DMD: variants seen among roughly 807,000 people sequenced by gnomAD.
DMD encodes the protein mutant dystrophin.
DMD carries 63 observed loss-of-function variants against 330.1 expected under a neutral mutation model. That is an observed-to-expected ratio of 0.19 (90% CI 0.16 to 0.24). DMD has a LOEUF of 0.24. DMD is among the 10% of genes least tolerant of loss of function. The pLI, the probability that DMD is intolerant of heterozygous loss-of-function variation, is 1.00. For synonymous variants in DMD, 1,223 were observed against 959.8 expected (o/e 1.27, Z -5.07); for missense variants, 3,344 against 2,684.1 (o/e 1.25, Z -5.43).
intron 13 of DMD, among the ~76,000 whole-genome samples, chrX:32,592,057 T>C (rs1265288746): frequency 1.8e-5 from 2 of 111,526 alleles, no homozygotes; most frequent in Non-Finnish European, 3.8e-5. Context: ...GGACTGAGGA[T>C]GGTTCGGTGT....
chrX:32,591,802 C>T (rs765522064), intron 13 of DMD, among the ~76,000 whole-genome samples: 5 of 113,035 alleles, frequency 4.4e-5, no homozygotes, highest in East Asian at 2.8e-4. Context: ...GGCATTCCTG[C>T]GCTCTTGGGG....
At chrX:32,677,939 C>T (rs1213915009) in intron 9 of DMD, among the ~76,000 whole-genome samples, 1 of 111,641 alleles carries the variant, frequency 9.0e-6, no homozygotes, top group African/African-American at 3.3e-5. Flanking sequence ...AGAAGGAAAA[C>T]TTGCAATATG....
intron 44 of DMD, among the ~76,000 whole-genome samples, chrX:32,123,795 G>A (rs768743881): frequency 8.9e-6 from 1 of 111,952 alleles, no homozygotes; most frequent in South Asian, 3.7e-4. Context: ...CATTTGTTGC[G>A]TTAAAAGTAT....
chrX:31,734,172 TTCTC>T (rs1375894186), intron 51 of DMD, among the ~76,000 whole-genome samples: 1 of 111,211 alleles, frequency 9.0e-6, no homozygotes, highest in African/African-American at 3.3e-5. Context: ...CATTTTATCA[TTCTC>T]TCTGTGTGTA....
intron 1 of DMD, among the ~76,000 whole-genome samples, chrX:33,312,076 T>C (rs1408434614): frequency 9.0e-6 from 1 of 110,669 alleles, no homozygotes; most frequent in Non-Finnish European, 1.9e-5. Context: ...CACAGAATGG[T>C]GTCATTTCAA....
At chrX:32,697,305 G>A (rs976054874) in intron 9 of DMD, among the ~76,000 whole-genome samples, 2 of 111,424 alleles carry the variant, frequency 1.8e-5, no homozygotes, top group African/African-American at 6.5e-5. Context: ...CCTGGTTTCA[G>A]TGTGACTTTT....
At chrX:31,668,818 G>A (rs1015716743) in intron 53 of DMD, among the ~76,000 whole-genome samples, 10 of 111,570 alleles carry the variant, frequency 9.0e-5, no homozygotes, top group Admixed American at 1.9e-4. Flanking sequence ...ACTTCAATGA[G>A]TTTGACTTTT....
intron 54 of DMD, among the ~76,000 whole-genome samples, chrX:31,655,934 AG>A (rs1312756723): frequency 3.6e-5 from 4 of 112,320 alleles, no homozygotes; most frequent in Admixed American, 2.8e-4. Flanking sequence ...GATTGGAAGA[AG>A]GCAAAGATGA....
chrX:31,135,159 GTAATA>G (rs1297696251), intron 76 of DMD, among the ~76,000 whole-genome samples: 2 of 30,725 alleles, frequency 6.5e-5, no homozygotes, highest in African/African-American at 2.7e-4. Context: ...TTTGTTCTAT[GTAATA>G]AAATAAGTAT....
intron 67 of DMD, among the ~76,000 whole-genome samples, chrX:31,200,128 C>T (rs1400220647): frequency 4.5e-5 from 5 of 112,155 alleles, no homozygotes; most frequent in Non-Finnish European, 9.4e-5. Context: ...ATGAAAGCCT[C>T]GCCATACATA....
intron 2 of DMD, among the ~76,000 whole-genome samples, chrX:32,883,453 G>C (rs2084158676): frequency 9.1e-6 from 1 of 110,477 alleles, no homozygotes; most frequent in South Asian, 3.9e-4. Context: ...CTTTAACTTT[G>C]GAATTTTCCT....
chrX:32,954,749 G>A (rs1437474813), intron 2 of DMD, among the ~76,000 whole-genome samples: 1 of 110,509 alleles, frequency 9.0e-6, no homozygotes, highest in Non-Finnish European at 1.9e-5. Flanking sequence ...GTGTCCATGT[G>A]TTTTCATCAT....
chrX:32,972,654 C>A (rs1490754486), intron 2 of DMD, among the ~76,000 whole-genome samples: 2 of 112,279 alleles, frequency 1.8e-5, no homozygotes, highest in Non-Finnish European at 3.8e-5. Flanking sequence ...GAGTTTTGAG[C>A]ATAGGCTTTG....
At chrX:32,652,648 AC>A (rs1219752385) in intron 9 of DMD, among the ~76,000 whole-genome samples, 2 of 111,042 alleles carry the variant, frequency 1.8e-5, no homozygotes, top group Non-Finnish European at 3.8e-5. Flanking sequence ...TTGGGAATAT[AC>A]CCAGTAATGG....
chrX:33,313,142 A>G (rs1195834431), intron 1 of DMD, among the ~76,000 whole-genome samples: 1 of 111,739 alleles, frequency 8.9e-6, no homozygotes, highest in Non-Finnish European at 1.9e-5. Flanking sequence ...TGCTATGAGC[A>G]TTGATTTTAG....
intron 47 of DMD, among the ~76,000 whole-genome samples, chrX:31,884,760 T>C (rs1282145686): frequency 8.9e-6 from 1 of 112,037 alleles, no homozygotes; most frequent in African/African-American, 3.2e-5. Flanking sequence ...TTGTACACCA[T>C]GACAATAATA....
intron 7 of DMD, among the ~76,000 whole-genome samples, chrX:32,757,928 C>T (rs770271462): frequency 9.0e-6 from 1 of 111,603 alleles, no homozygotes; most frequent in Non-Finnish European, 1.9e-5. Flanking sequence ...AACACCCTTT[C>T]ACTTCCTAGC....
intron 55 of DMD, among the ~76,000 whole-genome samples, chrX:31,547,066 A>T (rs1033387117): frequency 1.8e-5 from 2 of 112,614 alleles, no homozygotes; most frequent in Non-Finnish European, 3.7e-5. Context: ...TTTTTACACT[A>T]AAATTTTCCA....
intron 61 of DMD, among the ~76,000 whole-genome samples, chrX:31,329,439 A>G (rs777470191): frequency 8.9e-6 from 1 of 112,192 alleles, no homozygotes; most frequent in African/African-American, 3.2e-5. Flanking sequence ...TAAGCCAGTC[A>G]TAGAAGGATA....
Sources: gnomAD v4.1 joint callset for allele counts (sites outside exome capture counted in the v4.1 genomes callset) on GRCh38, gnomAD v4.1.1 for gene constraint, MANE v1.5 for transcripts, NCBI Gene and HGNC (gene_info 2026-07-23, HGNC 2026-07-21) for gene names.